TEX29: variants seen among roughly 807,000 people sequenced by gnomAD.
TEX29 encodes the protein testis expressed 29, also known as testis-expressed protein 29.
In TEX29, 26 loss-of-function variants were observed where a neutral mutation model predicts 18.2. The observed-to-expected ratio is 1.43, with a 90% CI of 1.04 to 1.98. TEX29 has a LOEUF of 1.98. Among genes scored for constraint, TEX29 ranks in the 30% most tolerant of loss-of-function variants. TEX29 has a pLI of 0.00. For synonymous variants in TEX29, 83 were observed against 78.5 expected, an observed-to-expected ratio of 1.06 and a Z score of -0.31; for missense variants, 177 against 194.2, an observed-to-expected ratio of 0.91 and a Z score of 0.53.
chr13:111,326,646 T>C (rs375961212), intron 2 of TEX29, among the ~76,000 whole-genome samples: 17 of 128,216 alleles, frequency 1.3e-4, no homozygotes, highest in African/African-American at 3.7e-4. Flanking sequence ...CCACGGGCAG[T>C]GCGAGCCTGT....
intron 3 of TEX29, among the ~76,000 whole-genome samples, chr13:111,330,792 C>T (rs1042844238): frequency 7.9e-5 from 12 of 152,186 alleles, no homozygotes; most frequent in Admixed American, 1.3e-4. Context: ...GTATTATGGA[C>T]ATTTCATATA....
upstream of TEX29, among the ~76,000 whole-genome samples, chr13:111,320,189 G>T (rs79370479): frequency 4.6e-5 from 7 of 152,328 alleles, 1 homozygote; most frequent in South Asian, 1.2e-3. Context: ...ATCCAGCCTG[G>T]CCCACGCCCT....
At chr13:111,316,697 G>C (rs2093655209), upstream of TEX29, among the ~76,000 whole-genome samples, 1 of 152,208 alleles carries the variant, frequency 6.6e-6, no homozygotes, top group South Asian at 2.1e-4. Flanking sequence ...AATACCGGAT[G>C]CACATTGTCT....
intron 2 of TEX29, among the ~76,000 whole-genome samples, chr13:111,325,137 A>T (rs1032342131): frequency 6.6e-6 from 1 of 152,162 alleles, no homozygotes; most frequent in Non-Finnish European, 1.5e-5. Context: ...GGCTCATTTT[A>T]GATTGATTGG....
chr13:111,316,775 T>A (rs2093655335), upstream of TEX29, among the ~76,000 whole-genome samples: 1 of 152,218 alleles, frequency 6.6e-6, no homozygotes, highest in Non-Finnish European at 1.5e-5. Context: ...TGTTTCACAC[T>A]GCTATAAAGA....
At chr13:111,336,203 A>G (rs1263779023) in intron 3 of TEX29, among the ~76,000 whole-genome samples, 18 of 152,220 alleles carry the variant, frequency 1.2e-4, no homozygotes, top group Non-Finnish European at 2.2e-4. Context: ...GGGTTGTGTG[A>G]CTGTGCTTTT....
At chr13:111,324,908 G>T (rs534803576) in intron 2 of TEX29, among the ~76,000 whole-genome samples, 6 of 152,342 alleles carry the variant, frequency 3.9e-5, no homozygotes, top group African/African-American at 1.4e-4. Context: ...TGGCGTGGGC[G>T]TGTTAGAAGC....
At chr13:111,318,988 C>T (rs145243895), upstream of TEX29, among the ~76,000 whole-genome samples, 64 of 152,300 alleles carry the variant, frequency 4.2e-4, no homozygotes, top group East Asian at 0.011. Flanking sequence ...TCATATCCGG[C>T]GCCTTCTCAC....
Position 111,340,015 on chromosome 13 carries a change from C to T in TEX29, c.239+83C>T, listed in dbSNP as rs2093695384. ...CCGCAGCTTCCTGCCTGCCTGGGCTCCTTCGGGCTTGGTGCTGCTGGGGTG... is the reference window on the plus strand; with the variant it reads ...CCGCAGCTTCCTGCCTGCCTGGGCTTCTTCGGGCTTGGTGCTGCTGGGGTG... On this transcript the variant is annotated intron_variant, in intron 4 of 5. Coordinates refer to ENST00000283547, the MANE Select transcript of TEX29 (RefSeq NM_152324.3). 2.2e-6 allele frequency: 3 copies of T among 1,369,110 alleles called. No individual in the cohort carries two copies. The South Asian group carries it at 3.5e-5, about 16-fold the overall frequency. The allele number at this position is 1,369,110 out of a possible 1,614,324, so 84.8% of individuals were successfully genotyped here.
chr13:111,344,198 G>A lies in TEX29; in HGVS notation c.*75G>A. ...GTACAGCAGGTGCACTGTTAACAGTGTGATGGAATGACCACCCAAAGAGAA... is the reference window on the plus strand; with the variant it reads ...GTACAGCAGGTGCACTGTTAACAGTATGATGGAATGACCACCCAAAGAGAA... On this transcript the variant is annotated 3_prime_UTR_variant, in exon 6 of 6. Coordinates refer to ENST00000283547, the MANE Select transcript of TEX29 (RefSeq NM_152324.3). The A allele has an allele frequency of 8.0e-7, 1 of 1,242,832 alleles. No homozygotes were observed. Among genetic ancestry groups the A allele is most frequent in the East Asian group, 2.4e-5 (1 of 42,394 alleles). The allele number at this position is 1,242,832 out of a possible 1,614,324, so 77.0% of individuals were successfully genotyped here.
At chr13:111,328,846 A>C (rs9301497) in intron 3 of TEX29, among the ~76,000 whole-genome samples, 4,729 of 152,268 alleles carry the variant, frequency 0.031, 124 homozygotes, top group African/African-American at 0.07. Context: ...ACAACAGGCA[A>C]CCAGTGGGTG....
At chr13:111,339,709 C>T (rs545456929) in intron 3 of TEX29, among the ~76,000 whole-genome samples, 154 bp from the exon 4 acceptor site, 2 of 152,002 alleles carry the variant, frequency 1.3e-5, no homozygotes, top group South Asian at 2.1e-4. Context: ...GCTGAGTCTC[C>T]AGGAGACGCT....
At chr13:111,323,903 A>T (rs528680482) in intron 2 of TEX29, among the ~76,000 whole-genome samples, 17 of 152,294 alleles carry the variant, frequency 1.1e-4, no homozygotes, top group African/African-American at 4.1e-4. Context: ...TCTGATGCTC[A>T]AACTCCGGGA....
At chr13:111,334,285 A>T (rs1030239583) in intron 3 of TEX29, among the ~76,000 whole-genome samples, 4 of 152,330 alleles carry the variant, frequency 2.6e-5, no homozygotes, top group East Asian at 1.9e-4. Context: ...TTCCTGAACT[A>T]ACTCAGTAAA....
At chr13:111,320,821 A>G (rs2093662747) in intron 1 of TEX29, 36 bp from the exon 2 acceptor site, 1 of 1,603,428 alleles carries the variant, frequency 6.2e-7, no homozygotes, top group Non-Finnish European at 8.5e-7. Context: ...CGACGTCCCC[A>G]GGGCCCCGCC....
chr13:111,324,878 C>T (rs537065720), intron 2 of TEX29, among the ~76,000 whole-genome samples: 8 of 152,280 alleles, frequency 5.3e-5, no homozygotes, highest in African/African-American at 1.2e-4. Context: ...AGAAAAATAA[C>T]GGAACGTTTA....
At chr13:111,321,903 G>A (rs76830875) in intron 2 of TEX29, among the ~76,000 whole-genome samples, 8,347 of 152,308 alleles carry the variant, frequency 0.055, 329 homozygotes, top group Middle Eastern at 0.13. Context: ...CAGCCTGGGC[G>A]ACAAAGCGAG....
intron 4 of TEX29, among the ~76,000 whole-genome samples, chr13:111,341,856 C>T (rs921702711): frequency 2.0e-5 from 3 of 152,264 alleles, no homozygotes; most frequent in African/African-American, 7.2e-5. Context: ...TGTAAGTGAA[C>T]TTACTGTCCC....
chr13:111,325,390 G>A (rs2093671201), intron 2 of TEX29, among the ~76,000 whole-genome samples: 1 of 152,206 alleles, frequency 6.6e-6, no homozygotes, highest in African/African-American at 2.4e-5. Flanking sequence ...GCTGGTGCCA[G>A]TGGCCGGGAG....
Sources: gnomAD v4.1 joint callset for allele counts (sites outside exome capture counted in the v4.1 genomes callset) on GRCh38, gnomAD v4.1.1 for gene constraint, MANE v1.5 for transcripts, NCBI Gene and HGNC (gene_info 2026-07-23, HGNC 2026-07-21) for gene names.